Variants in AKAP12 observed in about 807,000 individuals in gnomAD.
AKAP12 encodes A-kinase anchoring protein 12, also known as A-kinase anchor protein 12.
A neutral mutation model predicts 79.9 loss-of-function variants in AKAP12; 32 were observed. The ratio of observed to expected loss-of-function variants is 0.40; its 90% CI spans 0.30 to 0.54. The LOEUF is 0.54. AKAP12 is among the 20% of genes least tolerant of loss of function. The pLI, the probability that AKAP12 is intolerant of heterozygous loss-of-function variation, is 0.48. For missense variants in AKAP12, 2,074 were observed against 2,177.0 expected, an observed-to-expected ratio of 0.95 and a Z score of 0.94; for synonymous variants, 808 against 857.0, an observed-to-expected ratio of 0.94 and a Z score of 1.00.
intron 2 of AKAP12, among the ~76,000 whole-genome samples, chr6:151,263,892 A>T (rs1361668136): frequency 6.6e-6 from 1 of 152,076 alleles, no homozygotes; most frequent in African/African-American, 2.4e-5. Context: ...GAGAGATCTT[A>T]CCGATGTTCT....
chr6:151,248,509 A>G (rs2114680438), intron 2 of AKAP12, among the ~76,000 whole-genome samples: 1 of 152,184 alleles, frequency 6.6e-6, no homozygotes. Context: ...AGGGCCAGGG[A>G]GAGGTTCAGG....
chr6:151,246,928 A>G (rs894251960), intron 2 of AKAP12, among the ~76,000 whole-genome samples: 1 of 152,006 alleles, frequency 6.6e-6, no homozygotes, highest in Admixed American at 6.6e-5. Context: ...GGTAGCTGGG[A>G]CTACAAGTGC....
intron 3 of AKAP12, among the ~76,000 whole-genome samples, chr6:151,341,057 CTTTT>C (rs11359622): frequency 7.2e-6 from 1 of 138,190 alleles, no homozygotes. Context: ...TCTTTTTTTT[CTTTT>C]TTTTTTTTTT....
intron 2 of AKAP12, among the ~76,000 whole-genome samples, chr6:151,253,453 C>T (rs903137918): frequency 6.6e-6 from 1 of 151,848 alleles, no homozygotes; most frequent in African/African-American, 2.4e-5. Flanking sequence ...GTCTCGAATT[C>T]TTGGGCTGAA....
intron 2 of AKAP12, among the ~76,000 whole-genome samples, chr6:151,265,173 T>C (rs1797528092): frequency 6.6e-6 from 1 of 150,392 alleles, no homozygotes; most frequent in South Asian, 2.1e-4. Context: ...AAAGTTTATA[T>C]CTTAGGGACA....
intron 3 of AKAP12, among the ~76,000 whole-genome samples, chr6:151,342,801 C>T (rs1284455733): frequency 1.3e-5 from 2 of 152,312 alleles, no homozygotes; most frequent in East Asian, 1.9e-4. Context: ...TGATGGCAGT[C>T]GCCCAGGCTG....
chr6:151,342,493 G>A (rs1365643253), intron 3 of AKAP12, among the ~76,000 whole-genome samples: 3 of 152,136 alleles, frequency 2.0e-5, no homozygotes, highest in Non-Finnish European at 1.5e-5. Flanking sequence ...TGCTTAGCAG[G>A]TACCTTGTAT....
At chr6:151,331,007 T>C (rs1777653114) in intron 3 of AKAP12, among the ~76,000 whole-genome samples, 1 of 152,204 alleles carries the variant, frequency 6.6e-6, no homozygotes, top group Non-Finnish European at 1.5e-5. Context: ...ATACACGTTA[T>C]AGACCTGGAG....
Position 151,260,627 on chromosome 6 carries a change from A to G in AKAP12, c.162+19903A>G, listed in dbSNP as rs568006682. Among the ~76,000 whole-genome samples, 5 of 152,330 alleles carry G rather than the reference A, an allele frequency of 3.3e-5. No homozygotes were observed. In the South Asian group the frequency reaches 6.2e-4, roughly 19 times the overall value. The stretch of plus-strand genomic sequence containing the variant: ...AGCCCGTCATGGTTTAGAGGTGGCT[A>G]ATGCCAGGCTGTAAGAGCTCTTTGA... On this transcript the variant is annotated intron_variant, in intron 2 of 4. Coordinates refer to ENST00000402676, the MANE Select transcript of AKAP12 (RefSeq NM_005100.4).
chr6:151,247,413 C>A (rs1258253443), intron 2 of AKAP12, among the ~76,000 whole-genome samples: 1 of 151,604 alleles, frequency 6.6e-6, no homozygotes, highest in Non-Finnish European at 1.5e-5. Context: ...TTTAAAAAAA[C>A]AAAACAAAAC....
chr6:151,292,285 C>T (rs190468647), intron 2 of AKAP12, among the ~76,000 whole-genome samples: 3 of 152,104 alleles, frequency 2.0e-5, no homozygotes, highest in Admixed American at 1.3e-4. Flanking sequence ...CTCTTTCAGT[C>T]GAATGGAGCA....
chr6:151,345,922 TGTGTGTGTGTGAGA>T (rs1216651796), intron 3 of AKAP12, among the ~76,000 whole-genome samples: 4 of 114,362 alleles, frequency 3.5e-5, no homozygotes, highest in African/African-American at 1.2e-4. Context: ...TGTGTGTGTG[TGTGTGTGTGTGAGA>T]GAGAGAGAGA....
intron 3 of AKAP12, among the ~76,000 whole-genome samples, chr6:151,318,058 C>T (rs992786227): frequency 1.8e-4 from 28 of 152,288 alleles, no homozygotes; most frequent in African/African-American, 4.3e-4. Flanking sequence ...ACGTACATGT[C>T]GAAATCCTAA....
intron 2 of AKAP12, among the ~76,000 whole-genome samples, chr6:151,304,751 G>C (rs1259977869): frequency 1.3e-5 from 2 of 151,492 alleles, no homozygotes; most frequent in Non-Finnish European, 2.9e-5. Context: ...TAATTTTTTT[G>C]TATTATTAGT....
chr6:151,345,365 G>A (rs1778062397), intron 3 of AKAP12, among the ~76,000 whole-genome samples: 1 of 151,642 alleles, frequency 6.6e-6, no homozygotes, highest in Non-Finnish European at 1.5e-5. Context: ...GTGAGCCACC[G>A]CGCCTGGCTA....
chr6:151,257,655 C>T (rs1350753397), intron 2 of AKAP12, among the ~76,000 whole-genome samples: 9 of 152,148 alleles, frequency 5.9e-5, no homozygotes, highest in African/African-American at 2.2e-4. Context: ...TGGCTTAATT[C>T]GCATAGGATA....
At chr6:151,245,014 C>T (rs1357795053) in intron 2 of AKAP12, among the ~76,000 whole-genome samples, 3 of 152,128 alleles carry the variant, frequency 2.0e-5, no homozygotes, top group African/African-American at 2.4e-5. Context: ...ATTTCTATGC[C>T]TTTACAGCTT....
At chr6:151,313,707 C>G (rs141109467) in intron 3 of AKAP12, among the ~76,000 whole-genome samples, 5 of 148,196 alleles carry the variant, frequency 3.4e-5, no homozygotes, top group African/African-American at 1.1e-4. Flanking sequence ...AGCAAGACTT[C>G]TGTTCACCCT....
chr6:151,324,919 T>C (rs1582882194), intron 3 of AKAP12: 1 of 985,452 alleles, frequency 1.0e-6, no homozygotes, highest in African/African-American at 1.7e-5. Context: ...TTCCGAGTTG[T>C]GTGCTTGCAT....
Sources: gnomAD v4.1 joint callset for allele counts (sites outside exome capture counted in the v4.1 genomes callset) on GRCh38, gnomAD v4.1.1 for gene constraint, MANE v1.5 for transcripts, NCBI Gene and HGNC (gene_info 2026-07-23, HGNC 2026-07-21) for gene names.